Variants in CD274 observed in about 807,000 individuals in gnomAD.
The protein encoded by CD274 is programmed cell death 1 ligand 1.
Under a neutral mutation model 30.1 loss-of-function variants are expected in CD274, and 8 were observed. The ratio of observed to expected loss-of-function variants is 0.27; its 90% CI spans 0.16 to 0.48. The LOEUF is 0.48. CD274 is among the 20% of genes least tolerant of loss of function. CD274 has a pLI of 0.99. For missense variants in CD274, 353 were observed against 346.6 expected, an observed-to-expected ratio of 1.02 and a Z score of -0.15; for synonymous variants, 152 against 124.6, an observed-to-expected ratio of 1.22 and a Z score of -1.46.
intron 3 of CD274, among the ~76,000 whole-genome samples, chr9:5,459,581 A>C (rs1016201265): frequency 1.3e-5 from 2 of 152,218 alleles, no homozygotes; most frequent in Admixed American, 6.5e-5. Flanking sequence ...GGTATTTTAA[A>C]GGTGAAACAT....
In CD274 at chr9:5,466,919, C is replaced by G; in HGVS notation, c.850+90C>G. On this transcript the variant is annotated intron_variant, in intron 6 of 6. Transcript: ENST00000381577. ...AAGAGAAATCCATCAGTCATAATCT[C>G]CTCTCCTTTTAAAGAATGCTGGTTC... is the stretch of plus-strand genomic sequence containing the variant. The G allele has an allele frequency of 3.3e-6, 3 of 921,950 alleles. No individual in the cohort carries two copies. The East Asian group carries it at 7.7e-5, about 24-fold the overall frequency. 57.1% of individuals were successfully genotyped at this position (921,950 alleles called of 1,614,324 possible).
chr9:5,455,604 T>C (rs906465397), intron 1 of CD274, among the ~76,000 whole-genome samples: 2 of 152,168 alleles, frequency 1.3e-5, no homozygotes, highest in Non-Finnish European at 2.9e-5. Context: ...GAAGGAGGAC[T>C]AGCATGGCTG....
At chr9:5,460,441 G>A (rs984190396) in intron 3 of CD274, among the ~76,000 whole-genome samples, 2 of 152,132 alleles carry the variant, frequency 1.3e-5, no homozygotes, top group Non-Finnish European at 2.9e-5. Flanking sequence ...CATCATGTAA[G>A]ATGAGTATTT....
intron 3 of CD274, 100 bp from the exon 4 acceptor site, chr9:5,462,734 C>A: frequency 3.6e-6 from 4 of 1,119,482 alleles, no homozygotes; most frequent in Non-Finnish European, 3.9e-6. Context: ...CCTCTGAGAA[C>A]CAGCCTGCAT....
intron 6 of CD274, 53 bp from the exon 7 acceptor site, chr9:5,467,787 C>G (rs2131235258): frequency 7.0e-7 from 1 of 1,430,896 alleles, no homozygotes; most frequent in South Asian, 1.2e-5. Flanking sequence ...TTTCTTGTTA[C>G]TTTTTCCCCA....
In CD274 at chr9:5,451,795, A is replaced by G. The variant is rs1234847280; in HGVS notation, c.-15+1199A>G. 2.0e-5 allele frequency among the ~76,000 whole-genome samples: 3 copies of G among 152,162 alleles called. No individual in the cohort carries two copies. In the East Asian group the frequency reaches 5.8e-4, roughly 29 times the overall value. ...GGAGTTTAATAAAGTTTGGTCACTTAGTAGAGGTTTAATAAATCAACTGTC... is the reference window on the plus strand; with the variant it reads ...GGAGTTTAATAAAGTTTGGTCACTTGGTAGAGGTTTAATAAATCAACTGTC... On this transcript the variant is annotated intron_variant, in intron 1 of 6. Coordinates refer to ENST00000381577, the MANE Select transcript of CD274 (RefSeq NM_014143.4).
rs1480335907 is a variant in CD274 at position 5,457,400 on chromosome 9, G to A, written c.374G>A (p.Arg125Gln). ...AGCTATGGTGGTGCCGACTACAAGC[G>A]AATTACTGTGAAAGTCAATGGTAAG... ...MISYGGADYK[R>Q]ITVKVNAPYN... Residue 125 changes from arginine to glutamine, a missense_variant, in exon 3 of 7, where the codon CGA (arginine) becomes CAA (glutamine). Physicochemically the swap from Arg to Gln is conservative, Grantham distance 43. Coordinates refer to ENST00000381577, the MANE Select transcript of CD274 (RefSeq NM_014143.4). 3 of 1,612,724 alleles carry A rather than the reference G, an allele frequency of 1.9e-6. No individual in the cohort carries two copies. Among genetic ancestry groups the A allele is most frequent in the Non-Finnish European group, 2.5e-6 (3 of 1,178,850 alleles).
Position 5,465,490 on chromosome 9 carries a change from G to C in CD274, c.683-9G>C. ...AGTCAGTTTGTTTTCGTTTTGTTTTGTTTTTCAGAACTACCTCTGGCACAT... is the reference window on the plus strand; with the variant it reads ...AGTCAGTTTGTTTTCGTTTTGTTTTCTTTTTCAGAACTACCTCTGGCACAT... On this transcript the variant is annotated splice_polypyrimidine_tract_variant and intron_variant, in intron 4 of 6. Coordinates refer to ENST00000381577, the MANE Select transcript of CD274 (RefSeq NM_014143.4). 6.4e-7 allele frequency: 1 copy of C among 1,566,326 alleles called. No homozygotes were observed. Among genetic ancestry groups the C allele is most frequent in the Non-Finnish European group, 8.8e-7 (1 of 1,137,440 alleles).
rs1819523862 is a variant in CD274 at position 5,467,907 on chromosome 9, G to A, written c.*45G>A. 4 of 1,553,486 alleles carry A rather than the reference G, an allele frequency of 2.6e-6. No individual in the cohort carries two copies. The highest frequency in any genetic ancestry group is 2.7e-6 in the Non-Finnish European group (3 of 1,124,642). On this transcript the variant is annotated 3_prime_UTR_variant, in exon 7 of 7. Transcript: ENST00000381577. Reference sequence around the variant, plus strand: ...ATCTTCAAGCAGGGATTCTCAACCTGTGGTTTAGGGGTTCATCGGGGCTGA... The same window carrying A: ...ATCTTCAAGCAGGGATTCTCAACCTATGGTTTAGGGGTTCATCGGGGCTGA...
rs1819320303 is a variant in CD274 at position 5,457,202 on chromosome 9, T to C, written c.176T>C (p.Met59Thr). The C allele has an allele frequency of 6.2e-7, 1 of 1,613,986 alleles. No individual in the cohort carries two copies. The highest frequency in any genetic ancestry group is 8.5e-7 in the Non-Finnish European group (1 of 1,179,928). The change falls in exon 3 of 7, where the codon ATG becomes ACG. Residue 59 changes from methionine (M) to threonine (T), a missense_variant. Coordinates refer to ENST00000381577, the MANE Select transcript of CD274 (RefSeq NM_014143.4). ...GCTGCACTAATTGTCTATTGGGAAATGGAGGATAAGAACATTATTCAATTT... is the reference window on the plus strand; with the variant it reads ...GCTGCACTAATTGTCTATTGGGAAACGGAGGATAAGAACATTATTCAATTT... ...DLAALIVYWEMEDKNIIQFVH... is the reference protein window; with the variant it reads ...DLAALIVYWETEDKNIIQFVH...
In CD274 at chr9:5,457,293, G is replaced by C. The variant is rs1819322417; in HGVS notation, c.267G>C (p.Lys89Asn). 2 of 1,614,054 alleles carry C rather than the reference G, an allele frequency of 1.2e-6. No homozygotes were observed. The highest frequency in any genetic ancestry group is 2.2e-5 in the South Asian group (2 of 91,088). ...ACAGACAGAGGGCCCGGCTGTTGAA[G>C]GACCAGCTCTCCCTGGGAAATGCTG... Reference protein sequence around the residue: ...SSYRQRARLLKDQLSLGNAAL... With the variant: ...SSYRQRARLLNDQLSLGNAAL... Residue 89 changes from lysine (K) to asparagine (N), a missense_variant, in exon 3 of 7, where the codon AAG (lysine) becomes AAC (asparagine). Physicochemically the swap from Lys to Asn is moderately conservative, Grantham distance 94. Transcript: ENST00000381577.
In CD274 at chr9:5,457,230, G is replaced by A. The variant is rs2131211884; in HGVS notation, c.204G>A (p.Val68=). 1.2e-6 allele frequency: 2 copies of A among 1,614,112 alleles called. No homozygotes were observed. Among genetic ancestry groups the A allele is most frequent in the South Asian group, 1.1e-5 (1 of 91,090 alleles). The part of the protein sequence containing the change: ...EMEDKNIIQF[V]HGEEDLKVQH... ...AGGATAAGAACATTATTCAATTTGT[G>A]CATGGAGAGGAAGACCTGAAGGTTC... The change falls in exon 3 of 7, where the codon GTG becomes GTA. Residue 68 remains valine, a synonymous_variant. Coordinates refer to ENST00000381577, the MANE Select transcript of CD274 (RefSeq NM_014143.4).
At position 5,470,072 on chromosome 9, in the gene CD274, G is replaced by C. The variant is rs567126229; in HGVS notation, c.*2210G>C. The C allele has an allele frequency of 9.0e-5, 21 of 233,048 alleles. No individual in the cohort carries two copies. Among genetic ancestry groups the C allele is most frequent in the African/African-American group, 4.2e-4 (19 of 45,424 alleles). 14.4% of individuals were successfully genotyped at this position (233,048 alleles called of 1,614,324 possible). On this transcript the variant is annotated 3_prime_UTR_variant, in exon 7 of 7. Coordinates refer to ENST00000381577, the MANE Select transcript of CD274 (RefSeq NM_014143.4). ...TCCTAAGAGGCTTCCTGGAGGTTTC[G>C]AGATTCAGATGCCCTGGGAGATCCC...
chr9:5,464,154 C>G (rs1819457269), intron 4 of CD274, among the ~76,000 whole-genome samples: 1 of 152,106 alleles, frequency 6.6e-6, no homozygotes, highest in African/African-American at 2.4e-5. Context: ...TGGGGATGCT[C>G]TTACTGGGGT....
chr9:5,467,725 T>A, intron 6 of CD274, 115 bp from the exon 7 acceptor site: 1 of 900,556 alleles, frequency 1.1e-6, no homozygotes, highest in South Asian at 1.4e-5. Context: ...TTCTCTCATT[T>A]CAAATTTATC....
chr9:5,457,402 A>C lies in CD274; in HGVS notation c.376A>C (p.Ile126Leu). The change falls in exon 3 of 7, where the codon ATT becomes CTT. Residue 126 changes from isoleucine (I) to leucine (L), a missense_variant. Physicochemically the swap from Ile to Leu is conservative, Grantham distance 5. Coordinates refer to ENST00000381577, the MANE Select transcript of CD274 (RefSeq NM_014143.4). The stretch of plus-strand genomic sequence containing the variant: ...CTATGGTGGTGCCGACTACAAGCGA[A>C]TTACTGTGAAAGTCAATGGTAAGAA... ...ISYGGADYKRITVKVNAPYNK... is the reference protein window; with the variant it reads ...ISYGGADYKRLTVKVNAPYNK... The C allele has an allele frequency of 1.9e-6, 3 of 1,612,802 alleles. No individual in the cohort carries two copies. The highest frequency in any genetic ancestry group is 2.5e-6 in the Non-Finnish European group (3 of 1,178,884).
chr9:5,457,034 C>T (rs772455905), intron 2 of CD274, 45 bp from the exon 3 acceptor site: 40 of 1,365,408 alleles, frequency 2.9e-5, no homozygotes, highest in Non-Finnish European at 3.8e-5. Flanking sequence ...GTAAATGTTT[C>T]GAGGAATTTT....
At chr9:5,467,801 C>T (rs41303227) in intron 6 of CD274, 39 bp from the exon 7 acceptor site, 79,626 of 1,544,432 alleles carry the variant, frequency 0.052, 2,305 homozygotes, top group South Asian at 0.067. Context: ...TTCCCCAGAC[C>T]ACTTCCCATG....
chr9:5,457,158 A>G lies in CD274; in HGVS notation c.132A>G (p.Val44=), dbSNP rs769406270. Residue 44 remains valine, a synonymous_variant, in exon 3 of 7, where the codon GTA becomes GTG. Coordinates refer to ENST00000381577, the MANE Select transcript of CD274 (RefSeq NM_014143.4). ...TGACAATTGAATGCAAATTCCCAGT[A>G]GAAAAACAATTAGACCTGGCTGCAC... ...SNMTIECKFP[V]EKQLDLAALI... is the part of the protein sequence containing the mutation. The G allele has an allele frequency of 6.2e-7, 1 of 1,614,074 alleles. No homozygotes were observed. The highest frequency in any genetic ancestry group is 1.7e-5 in the Admixed American group (1 of 60,020).
Sources: allele counts gnomAD v4.1 joint callset (sites outside exome capture counted in the v4.1 genomes callset), GRCh38; gene constraint gnomAD v4.1.1; transcripts MANE v1.5; gene names NCBI Gene and HGNC (gene_info 2026-07-23, HGNC 2026-07-21).